CDC73: variants seen among roughly 807,000 people sequenced by gnomAD.
CDC73 encodes the protein cell division cycle 73.
In CDC73, 21 loss-of-function variants were observed where a neutral mutation model predicts 83.7. That is an observed-to-expected ratio of 0.25 (90% confidence interval 0.18 to 0.36). CDC73 has a LOEUF of 0.36. Ranked by LOEUF, CDC73 falls within the 10% of genes least tolerant of loss-of-function variation. The pLI is 1.00. For missense variants in CDC73, 342 were observed against 653.3 expected (o/e 0.52, Z 5.19); for synonymous variants, 224 against 212.9 (o/e 1.05, Z -0.45).
intron 15 of CDC73, among the ~76,000 whole-genome samples, chr1:193,246,943 A>G (rs1677964822): frequency 6.6e-6 from 1 of 152,130 alleles, no homozygotes; most frequent in Admixed American, 6.5e-5. Context: ...CAGCATGATC[A>G]GCTTATTCAC....
intron 10 of CDC73, among the ~76,000 whole-genome samples, chr1:193,165,034 G>T (rs1180224040): frequency 1.3e-5 from 2 of 152,154 alleles, no homozygotes; most frequent in Non-Finnish European, 2.9e-5. Context: ...GAAGAGCAGG[G>T]ATTTCCTGCT....
rs765684509 is a variant in CDC73, at chr1:193,142,016, A to C, written c.679A>C (p.Arg227=). ...EVDVTRDIVS[R]ERVWRTRTTI... is the part of the protein sequence containing the mutation. ...AGATGTGACCCGAGATATTGTCAGC[A>C]GAGAGAGAGTATGGAGGACACGAAC... The change falls in exon 7 of 17, where the codon AGA becomes CGA. Residue 227 remains arginine, a synonymous_variant. Coordinates refer to ENST00000367435, the MANE Select transcript of CDC73 (RefSeq NM_024529.5). The C allele has an allele frequency of 6.2e-7, 1 of 1,613,452 alleles. No individual in the cohort carries two copies. Among genetic ancestry groups the C allele is most frequent in the South Asian group, 1.1e-5 (1 of 91,064 alleles).
rs993696396 is a variant in CDC73, at chr1:193,203,835, A to C, written c.1013A>C (p.Gln338Pro). 1.9e-6 allele frequency: 3 copies of C among 1,613,788 alleles called. No homozygotes were observed. Among genetic ancestry groups the C allele is most frequent in the Non-Finnish European group, 1.7e-6 (2 of 1,179,726 alleles). Residue 338 changes from glutamine (Q) to proline (P), a missense_variant, in exon 11 of 17, where the codon CAG becomes CCG. Around this residue, in one of 3 missense-constraint regions of CDC73, gnomAD observed 239 missense variants for 420.6 expected, o/e 0.57. Transcript: ENST00000367435. ...SARKTQTPAA[Q>P]PVPRPVSQAR... ...CGGAAGACTCAGACTCCTGCAGCCC[A>C]GCCAGTACCAAGACCAGGTAGAAAT... is the stretch of plus-strand genomic sequence containing the variant.
chr1:193,198,444 A>G (rs1456530961), intron 10 of CDC73, among the ~76,000 whole-genome samples: 1 of 152,220 alleles, frequency 6.6e-6, no homozygotes, highest in African/African-American at 2.4e-5. Context: ...ATGTGAAGAC[A>G]CTGTCTGTCC....
At chr1:193,201,555 A>G (rs1055035853) in intron 10 of CDC73, among the ~76,000 whole-genome samples, 1 of 152,166 alleles carries the variant, frequency 6.6e-6, no homozygotes, top group African/African-American at 2.4e-5. Context: ...AGTCTAGGAT[A>G]TAAACCTTTC....
rs1310926449 is a variant in CDC73, at chr1:193,212,205, T to C, written c.1066+105T>C. 19 of 1,002,286 alleles carry C rather than the reference T, an allele frequency of 1.9e-5. 1 individual carries two copies. In the South Asian group the frequency reaches 2.6e-4, roughly 14 times the overall value. The allele number at this position is 1,002,286 out of a possible 1,614,324, so 62.1% of individuals were successfully genotyped here. On this transcript the variant is annotated intron_variant, in intron 12 of 16. Transcript: ENST00000367435. ...AGCTGTATCACATGTTTGTGCTTGGTATCCATTCTGATTTATTAGTGCCCA... is the reference window on the plus strand; with the variant it reads ...AGCTGTATCACATGTTTGTGCTTGGCATCCATTCTGATTTATTAGTGCCCA...
At chr1:193,152,588 GTAT>G (rs959944896) in intron 10 of CDC73, 144 bp downstream of exon 10, 16 of 631,830 alleles carry the variant, frequency 2.5e-5, no homozygotes, top group Non-Finnish European at 3.7e-5. Flanking sequence ...TCTGTGTGGT[GTAT>G]TATTTGATTC....
intron 3 of CDC73, among the ~76,000 whole-genome samples, chr1:193,132,383 C>G (rs1675711213): frequency 1.3e-5 from 2 of 152,308 alleles, no homozygotes; most frequent in East Asian, 1.9e-4. Flanking sequence ...TACTGTCATG[C>G]AAGGGAGACT....
intron 15 of CDC73, among the ~76,000 whole-genome samples, chr1:193,237,953 A>T (rs976467219): frequency 6.6e-6 from 1 of 152,174 alleles, no homozygotes; most frequent in African/African-American, 2.4e-5. Context: ...TAAAAAGGGA[A>T]TGAGAATTTT....
chr1:193,171,322 T>C (rs900592030), intron 10 of CDC73, among the ~76,000 whole-genome samples: 2 of 152,154 alleles, frequency 1.3e-5, no homozygotes, highest in African/African-American at 2.4e-5. Flanking sequence ...AAATCCAAGG[T>C]TCAGGTATAT....
chr1:193,242,064 T>G (rs1677871495), intron 15 of CDC73, among the ~76,000 whole-genome samples: 1 of 146,100 alleles, frequency 6.8e-6, no homozygotes, highest in South Asian at 2.1e-4. Flanking sequence ...TCACTGCCAG[T>G]GGCTTGCACT....
intron 13 of CDC73, among the ~76,000 whole-genome samples, chr1:193,229,524 G>A (rs1677621584): frequency 6.6e-6 from 1 of 152,188 alleles, no homozygotes; most frequent in African/African-American, 2.4e-5. Context: ...CAGGAAGTGG[G>A]ACCTCACTAG....
intron 10 of CDC73, among the ~76,000 whole-genome samples, chr1:193,154,638 A>T (rs536335343): frequency 2.0e-4 from 30 of 152,240 alleles, no homozygotes; most frequent in Non-Finnish European, 4.1e-4. Context: ...ATTAATACCC[A>T]GTTTGAATCT....
At chr1:193,203,302 T>A (rs916793360) in intron 10 of CDC73, among the ~76,000 whole-genome samples, 1 of 152,150 alleles carries the variant, frequency 6.6e-6, no homozygotes, top group Non-Finnish European at 1.5e-5. Flanking sequence ...AAATGTGATT[T>A]TTCCTGAATA....
intron 11 of CDC73, 70 bp downstream of exon 11, chr1:193,203,922 TATA>T (rs1677135090): frequency 3.2e-6 from 4 of 1,238,166 alleles, no homozygotes; most frequent in East Asian, 4.7e-5. Context: ...TTAGTATGCG[TATA>T]ATGCTTTGAA....
intron 7 of CDC73, among the ~76,000 whole-genome samples, chr1:193,145,668 A>C (rs1177647804): frequency 6.6e-6 from 1 of 152,150 alleles, no homozygotes; most frequent in Non-Finnish European, 1.5e-5. Flanking sequence ...ACAAACTTAA[A>C]GCTCTTTGGG....
intron 5 of CDC73, chr1:193,136,501 G>A (rs1572151426): frequency 3.5e-6 from 1 of 286,366 alleles, no homozygotes; most frequent in South Asian, 2.8e-5. Flanking sequence ...TCATGTAATC[G>A]TATTTGCTCA....
intron 13 of CDC73, among the ~76,000 whole-genome samples, chr1:193,231,444 T>C (rs1677661986): frequency 6.6e-6 from 1 of 152,196 alleles, no homozygotes; most frequent in South Asian, 2.1e-4. Context: ...GTATTGCACA[T>C]ACTATTAAAA....
chr1:193,125,579 CTT>C (rs755990596), intron 2 of CDC73, among the ~76,000 whole-genome samples: 13 of 142,826 alleles, frequency 9.1e-5, no homozygotes, highest in African/African-American at 7.7e-5. Flanking sequence ...CATTTTAAAA[CTT>C]TTTTTTTTTT....
Sources: gnomAD v4.1 joint callset for allele counts (sites outside exome capture counted in the v4.1 genomes callset) on GRCh38, gnomAD v4.1.1 for gene constraint, gnomAD v4.1.1 regional missense constraint, MANE v1.5 for transcripts, NCBI Gene and HGNC (gene_info 2026-07-23, HGNC 2026-07-21) for gene names.